PYGL: variants seen among roughly 807,000 people sequenced by gnomAD.
PYGL encodes glycogen phosphorylase L, also known as glycogen phosphorylase, liver form.
Under a neutral mutation model 100.1 loss-of-function variants are expected in PYGL, and 90 were observed. That is an observed-to-expected ratio of 0.90 (90% CI 0.76 to 1.07). The LOEUF is 1.07. Among genes scored for constraint, PYGL ranks in the 50% least tolerant of loss-of-function variants. The probability of loss-of-function intolerance (pLI) is 0.00; values close to 1 mark genes in which losing one functional copy is unlikely to be tolerated. For missense variants in PYGL, 1,016 were observed against 1,057.6 expected, an observed-to-expected ratio of 0.96 and a Z score of 0.55; for synonymous variants, 373 against 393.0, an observed-to-expected ratio of 0.95 and a Z score of 0.60.
At chr14:50,931,428 C>T (rs757638728) in intron 4 of PYGL, among the ~76,000 whole-genome samples, 1 of 152,166 alleles carries the variant, frequency 6.6e-6, no homozygotes. Context: ...TTTCAGAGCA[C>T]CCTGTGCGTC....
chr14:50,931,841 C>T, intron 3 of PYGL, 65 bp from the exon 4 acceptor site: 1 of 1,310,034 alleles, frequency 7.6e-7, no homozygotes, highest in East Asian at 2.3e-5. Context: ...TCCAGTCTTT[C>T]CCTAAAACAC....
Position 50,915,390 on chromosome 14 carries a change from GAACC to G in PYGL, c.1345_1348del (p.Gly449ProfsTer4). 1 of 1,614,102 alleles carries G rather than the reference GAACC, an allele frequency of 6.2e-7. No homozygotes were observed. Among genetic ancestry groups the G allele is most frequent in the Non-Finnish European group, 8.5e-7 (1 of 1,180,024 alleles). On this transcript the variant is annotated frameshift_variant, in exon 11 of 20. Coordinates refer to ENST00000216392, the MANE Select transcript of PYGL (RefSeq NM_002863.5). LOFTEE classifies it high-confidence loss of function. Reference sequence around the variant, plus strand: ...TTTAGCCACGCCATTCACAGCATGGGAACCGACAATGCAGAGATGGGCCATGTTG... The same window carrying G: ...TTTAGCCACGCCATTCACAGCATGGGGACAATGCAGAGATGGGCCATGTTG...
At chr14:50,916,030 C>A (rs1275619341) in intron 9 of PYGL, 59 bp from the exon 10 acceptor site, 4 of 1,606,548 alleles carry the variant, frequency 2.5e-6, no homozygotes, top group Non-Finnish European at 2.5e-6. Flanking sequence ...ACTGCACGGG[C>A]CAAACCCTTC....
chr14:50,911,869 AGC>A lies in PYGL; in HGVS notation c.1828_1829del (p.Ala610CysfsTer24). Reference sequence around the variant, plus strand: ...TTTTGGCCATGTGATATCCTGGGGCAGCCTTTGGGGAAGAAGGTCAAACGCAT... The same window carrying A: ...TTTTGGCCATGTGATATCCTGGGGCACTTTGGGGAAGAAGGTCAAACGCAT... ...VPRTVIIGGK[A>X]APGYHMAKMI... On this transcript the variant is annotated frameshift_variant and splice_region_variant, in exon 16 of 20. Coordinates refer to ENST00000216392, the MANE Select transcript of PYGL (RefSeq NM_002863.5). LOFTEE classifies it high-confidence loss of function. 2 of 1,577,272 alleles carry A rather than the reference AGC, an allele frequency of 1.3e-6. No individual in the cohort carries two copies. Among genetic ancestry groups the A allele is most frequent in the Non-Finnish European group, 1.7e-6 (2 of 1,172,132 alleles).
intron 2 of PYGL, among the ~76,000 whole-genome samples, chr14:50,936,777 C>T (rs1318831556): frequency 2.0e-5 from 3 of 147,224 alleles, no homozygotes; most frequent in East Asian, 2.0e-4. Context: ...CGTAACAGGA[C>T]GAGACTCCGT....
At position 50,908,861 on chromosome 14, in the gene PYGL, G is replaced by C; in HGVS notation, c.2272C>G (p.Leu758Val). The C allele has an allele frequency of 6.4e-7, 1 of 1,571,444 alleles. No individual in the cohort carries two copies. Among genetic ancestry groups the C allele is most frequent in the Non-Finnish European group, 8.8e-7 (1 of 1,141,248 alleles). The change falls in exon 18 of 20, where the codon CTC (leucine) becomes GTC (valine). Residue 758 changes from leucine to valine, a missense_variant. Physicochemically the swap from Leu to Val is conservative, Grantham distance 32 (BLOSUM62 1). Coordinates refer to ENST00000216392, the MANE Select transcript of PYGL (RefSeq NM_002863.5). The stretch of plus-strand genomic sequence containing the variant: ...AGCATGTTGATGATATCTTTGAAGA[G>C]GTCAGGCTGCTTGGGAGAAAAAAAG... The part of the protein sequence containing the change: ...NGFFSPKQPD[L>V]FKDIINMLFY...
chr14:50,913,962 C>G lies in PYGL; in HGVS notation c.1518+739G>C, dbSNP rs117983054. ...AAGTGAGTCTCCTGCCTAGGCTTCTCAAAGCACTGGATTACATGCATGAGC... is the reference window on the plus strand; with the variant it reads ...AAGTGAGTCTCCTGCCTAGGCTTCTGAAAGCACTGGATTACATGCATGAGC... On this transcript the variant is annotated intron_variant, in intron 12 of 19. Transcript: ENST00000216392. 5.0e-4 allele frequency among the ~76,000 whole-genome samples: 76 copies of G among 152,204 alleles called. 1 individual carries two copies. In the East Asian group the frequency reaches 0.014, roughly 29 times the overall value.
At chr14:50,923,777 T>A in intron 5 of PYGL, 192 bp downstream of exon 5, 2 of 553,112 alleles carry the variant, frequency 3.6e-6, no homozygotes. Context: ...TCTCTTGGCC[T>A]CAGCTCCTTT....
At chr14:50,922,938 T>A (rs778348506) in intron 5 of PYGL, among the ~76,000 whole-genome samples, 6 of 152,252 alleles carry the variant, frequency 3.9e-5, no homozygotes, top group Non-Finnish European at 7.3e-5. Context: ...AACTGACACG[T>A]GACTGTGTCA....
chr14:50,906,188 T>TATG (rs2050334880), intron 19 of PYGL, among the ~76,000 whole-genome samples: 1 of 152,140 alleles, frequency 6.6e-6, no homozygotes, highest in Admixed American at 6.5e-5. Flanking sequence ...TATAAAAGAA[T>TATG]ATGATAAGAA....
At chr14:50,933,511 A>G (rs1396378077) in intron 3 of PYGL, among the ~76,000 whole-genome samples, 1 of 152,224 alleles carries the variant, frequency 6.6e-6, no homozygotes, top group Non-Finnish European at 1.5e-5. Flanking sequence ...TTCATAGAAT[A>G]CAATCTGATA....
intron 4 of PYGL, among the ~76,000 whole-genome samples, chr14:50,928,574 T>C (rs1001996658): frequency 6.6e-6 from 1 of 152,164 alleles, no homozygotes; most frequent in African/African-American, 2.4e-5. Context: ...GGCCAGCTAT[T>C]TTCATAGAGG....
intron 12 of PYGL, among the ~76,000 whole-genome samples, chr14:50,913,918 G>C (rs905646876): frequency 6.6e-6 from 1 of 152,048 alleles, no homozygotes; most frequent in African/African-American, 2.4e-5. Context: ...GCCCAGGCTA[G>C]TTTCAAACTC....
At position 50,935,153 on chromosome 14, in the gene PYGL, A is replaced by G. The variant is rs2050643191; in HGVS notation, c.378T>C (p.Ile126=). ...LGLDIEELEE[I]EEDAGLGNGG... Reference sequence around the variant, plus strand: ...CATTGCCAAGTCCAGCATCTTCTTCAATTTCTTCTAACTCTTCTATATCCA... The same window carrying G: ...CATTGCCAAGTCCAGCATCTTCTTCGATTTCTTCTAACTCTTCTATATCCA... Residue 126 remains isoleucine (I), a synonymous_variant, in exon 3 of 20, where the codon ATT becomes ATC. Transcript: ENST00000216392. 1 of 1,612,844 alleles carries G rather than the reference A, an allele frequency of 6.2e-7. No individual in the cohort carries two copies. The highest frequency in any genetic ancestry group is 1.7e-5 in the Admixed American group (1 of 60,024).
In PYGL at chr14:50,916,345, C is replaced by T. The variant is rs2075644; in HGVS notation, c.1092+297G>A. On this transcript the variant is annotated intron_variant, in intron 9 of 19. Transcript: ENST00000216392. ...ATGGGGACACTCAATTAGCTGTCTT[C>T]TGAGGTTAGATAATTTAATTTTTAA... is the stretch of plus-strand genomic sequence containing the variant. Among the ~76,000 whole-genome samples, 1,366 of 152,266 alleles carry T rather than the reference C, an allele frequency of 9.0e-3. 41 individuals are homozygous for T. Among genetic ancestry groups the T allele is most frequent in the East Asian group, 0.06 (313 of 5,188 alleles).
Position 50,931,687 on chromosome 14 carries a change from G to C in PYGL, c.514C>G (p.Arg172Gly). ...YEYGIFNQKI[R>G]DGWQVEEADD... The stretch of plus-strand genomic sequence containing the variant: ...GGCTCACACACCTGCCATCCATCTC[G>C]GATCTTCTGATTGAAAATCCCATAT... The change falls in exon 4 of 20, where the codon CGA (arginine) becomes GGA (glycine). Residue 172 changes from arginine to glycine, a missense_variant. By Grantham distance (125) the Arg-to-Gly change is moderately radical. Coordinates refer to ENST00000216392, the MANE Select transcript of PYGL (RefSeq NM_002863.5). 1 of 1,613,420 alleles carries C rather than the reference G, an allele frequency of 6.2e-7. No homozygotes were observed. The highest frequency in any genetic ancestry group is 8.5e-7 in the Non-Finnish European group (1 of 1,179,566).
rs375047812 is a variant in PYGL, at chr14:50,915,801, A to G, written c.1239+24T>C. On this transcript the variant is annotated intron_variant, in intron 10 of 19. Transcript: ENST00000216392. Reference sequence around the variant, plus strand: ...CTTAAGATCTTATGCTCATGAACAGAGAAAATCTCTCAAAATGACTTACAT... The same window carrying G: ...CTTAAGATCTTATGCTCATGAACAGGGAAAATCTCTCAAAATGACTTACAT... 17 of 1,609,390 alleles carry G rather than the reference A, an allele frequency of 1.1e-5. No homozygotes were observed. In the African/African-American group the frequency reaches 2.1e-4, roughly 20 times the overall value.
At chr14:50,920,713 T>C in intron 6 of PYGL, 90 bp from the exon 7 acceptor site, 2 of 1,346,484 alleles carry the variant, frequency 1.5e-6, no homozygotes, top group Non-Finnish European at 2.1e-6. Flanking sequence ...CTGTGTGTCA[T>C]GTGGGATTCC....
Position 50,913,135 on chromosome 14 carries a change from C to T in PYGL, c.1519-5G>A, listed in dbSNP as rs1234342072. 6.2e-7 allele frequency: 1 copy of T among 1,612,708 alleles called. No homozygotes were observed. Among genetic ancestry groups the T allele is most frequent in the Non-Finnish European group, 8.5e-7 (1 of 1,179,134 alleles). ...CACATAGTCTTCTCCAATTTTCTTTCAATTCAAAGGAAAAGATGACTTCAA... is the reference window on the plus strand; with the variant it reads ...CACATAGTCTTCTCCAATTTTCTTTTAATTCAAAGGAAAAGATGACTTCAA... On this transcript the variant is annotated splice_polypyrimidine_tract_variant and splice_region_variant and intron_variant, in intron 12 of 19. Transcript: ENST00000216392.
Sources: allele counts gnomAD v4.1 joint callset (sites outside exome capture counted in the v4.1 genomes callset), GRCh38; gene constraint gnomAD v4.1.1; transcripts MANE v1.5; gene names NCBI Gene and HGNC (gene_info 2026-07-23, HGNC 2026-07-21).